Variants in SLC38A11 observed in about 807,000 individuals in gnomAD.
SLC38A11 encodes the protein solute carrier family 38 member 11.
Under a neutral mutation model 49.4 loss-of-function variants are expected in SLC38A11, and 51 were observed. The ratio of observed to expected loss-of-function variants is 1.03; its 90% CI spans 0.83 to 1.30. SLC38A11 has a LOEUF of 1.30. Ranked by LOEUF, SLC38A11 falls within the 50% of genes most tolerant of loss-of-function variation. SLC38A11 has a pLI of 0.00. For missense variants in SLC38A11, 574 were observed against 556.2 expected (o/e 1.03, Z -0.32); for synonymous variants, 203 against 192.9 (o/e 1.05, Z -0.43).
At chr2:164,917,522 G>A (rs758316559) in intron 7 of SLC38A11, among the ~76,000 whole-genome samples, 9 of 152,104 alleles carry the variant, frequency 5.9e-5, no homozygotes, top group African/African-American at 1.7e-4. Context: ...AAAAGCAGTC[G>A]ACATTAAAAG....
Position 164,937,577 on chromosome 2 carries a change from T to G in SLC38A11, c.538-148A>C. The G allele has an allele frequency of 7.0e-6, 4 of 571,660 alleles. No homozygotes were observed. The East Asian group carries it at 1.2e-4, about 18-fold the overall frequency. 35.4% of individuals were successfully genotyped at this position (571,660 alleles called of 1,614,324 possible). On this transcript the variant is annotated intron_variant, in intron 6 of 11. Transcript: ENST00000685975. Reference sequence around the variant, plus strand: ...GTAGGTTATTCTTGCAGCTTGGTGTTGATAATCTCAGGCAGGTAACTTCTT... The same window carrying G: ...GTAGGTTATTCTTGCAGCTTGGTGTGGATAATCTCAGGCAGGTAACTTCTT...
At chr2:164,904,104 C>T (rs2105446201) in intron 11 of SLC38A11, among the ~76,000 whole-genome samples, 1 of 152,240 alleles carries the variant, frequency 6.6e-6, no homozygotes, top group East Asian at 1.9e-4. Context: ...TGGGCTCTTG[C>T]TGGCATTTGG....
chr2:164,904,198 C>A (rs1684841518), intron 11 of SLC38A11, among the ~76,000 whole-genome samples: 1 of 152,126 alleles, frequency 6.6e-6, no homozygotes, highest in Admixed American at 6.5e-5. Flanking sequence ...GCTTCATTTT[C>A]TCTCTTTGTA....
At chr2:164,931,196 G>A (rs1324020633) in intron 7 of SLC38A11, among the ~76,000 whole-genome samples, 1 of 136,626 alleles carries the variant, frequency 7.3e-6, no homozygotes, top group Non-Finnish European at 1.5e-5. Flanking sequence ...TAAGCAGGGA[G>A]GTGAAAGATC....
chr2:164,909,814 C>T (rs1479441433), intron 10 of SLC38A11, among the ~76,000 whole-genome samples: 1 of 152,026 alleles, frequency 6.6e-6, no homozygotes, highest in South Asian at 2.1e-4. Flanking sequence ...AAGAAGCCAT[C>T]TCTCTAAGCT....
intron 11 of SLC38A11, 31 bp from the exon 12 acceptor site, chr2:164,898,761 G>A (rs928309796): frequency 1.3e-6 from 2 of 1,578,068 alleles, no homozygotes; most frequent in Non-Finnish European, 1.7e-6. Flanking sequence ...ACAAGATAAT[G>A]TCACTAGATG....
intron 8 of SLC38A11, 135 bp from the exon 9 acceptor site, chr2:164,915,408 G>T (rs993108465): frequency 1.4e-6 from 1 of 739,818 alleles, no homozygotes; most frequent in African/African-American, 1.8e-5. Flanking sequence ...TAATATGTCA[G>T]AAAATAATTT....
chr2:164,923,855 A>G lies in SLC38A11; in HGVS notation c.618-7882T>C, dbSNP rs149094437. On this transcript the variant is annotated intron_variant, in intron 7 of 11. Transcript: ENST00000685975. ...GCTGTGGAGAAAAGGGAACACTTAT[A>G]CACTATTGGTGGGAATGTGAATTAG... is the stretch of plus-strand genomic sequence containing the variant. Among the ~76,000 whole-genome samples the G allele has an allele frequency of 4.7e-3, 711 of 152,238 alleles. 2 individuals are homozygous for G. The highest frequency in any genetic ancestry group is 0.016 in the African/African-American group (677 of 41,562).
At chr2:164,900,339 T>G (rs1367152224) in intron 11 of SLC38A11, among the ~76,000 whole-genome samples, 6 of 152,084 alleles carry the variant, frequency 3.9e-5, no homozygotes, top group African/African-American at 1.4e-4. Flanking sequence ...CTGGGTCATA[T>G]AATGGTTCTA....
intron 7 of SLC38A11, among the ~76,000 whole-genome samples, chr2:164,935,414 T>C (rs1687295966): frequency 6.7e-6 from 1 of 150,200 alleles, no homozygotes; most frequent in Non-Finnish European, 1.5e-5. Flanking sequence ...TTACACCTGT[T>C]AATCCCAGCA....
chr2:164,952,936 A>C, intron 2 of SLC38A11, 155 bp from the exon 3 acceptor site: 1 of 616,876 alleles, frequency 1.6e-6, no homozygotes, highest in Middle Eastern at 2.6e-4. Flanking sequence ...TTAATATTAA[A>C]TGTTAGGTAT....
chr2:164,951,266 A>G lies in SLC38A11; in HGVS notation c.229+1441T>C, dbSNP rs192420515. ...TATGTAAATGTTTACAATGCACTTA[A>G]ATAAACCATAGTGATTATGGTGGAA... On this transcript the variant is annotated intron_variant, in intron 3 of 11. Coordinates refer to ENST00000685975, the MANE Select transcript of SLC38A11 (RefSeq NM_001351537.2). Among the ~76,000 whole-genome samples the G allele has an allele frequency of 4.0e-4, 59 of 147,370 alleles. 1 individual carries two copies. The highest frequency in any genetic ancestry group is 4.0e-3 in the Admixed American group (58 of 14,544).
intron 7 of SLC38A11, among the ~76,000 whole-genome samples, chr2:164,934,380 T>C (rs1573969122): frequency 6.6e-6 from 1 of 152,198 alleles, no homozygotes; most frequent in Non-Finnish European, 1.5e-5. Flanking sequence ...ATGTACTCAT[T>C]ATTTTAATCT....
intron 3 of SLC38A11, among the ~76,000 whole-genome samples, chr2:164,950,372 C>T (rs1450498959): frequency 2.6e-5 from 4 of 152,122 alleles, no homozygotes; most frequent in Non-Finnish European, 4.4e-5. Context: ...GATGAGAACA[C>T]TGAGCATTTT....
chr2:164,925,744 A>G (rs896365016), intron 7 of SLC38A11, among the ~76,000 whole-genome samples: 1 of 152,056 alleles, frequency 6.6e-6, no homozygotes, highest in Non-Finnish European at 1.5e-5. Context: ...TCTTTGCCCC[A>G]CTCCACATTC....
At chr2:164,915,322 C>T (rs1685704264) in intron 8 of SLC38A11, 49 bp from the exon 9 acceptor site, 1 of 1,519,978 alleles carries the variant, frequency 6.6e-7, no homozygotes, top group African/African-American at 1.4e-5. Context: ...CCAGGGTTTT[C>T]TTTTTTAGTT....
chr2:164,899,710 T>C (rs1424950086), intron 11 of SLC38A11, among the ~76,000 whole-genome samples: 1 of 152,144 alleles, frequency 6.6e-6, no homozygotes, highest in Admixed American at 6.6e-5. Context: ...TATAACCTGA[T>C]GTCATAGAAT....
intron 5 of SLC38A11, among the ~76,000 whole-genome samples, chr2:164,943,122 T>C (rs1280859573): frequency 6.6e-6 from 1 of 152,188 alleles, no homozygotes; most frequent in Non-Finnish European, 1.5e-5. Context: ...TCCTCAACTG[T>C]AATAGCAACC....
At chr2:164,924,908 G>T (rs1220830277) in intron 7 of SLC38A11, among the ~76,000 whole-genome samples, 2 of 129,322 alleles carry the variant, frequency 1.5e-5, no homozygotes, top group Admixed American at 8.2e-5. Context: ...CTAATTTTTT[G>T]TATCCGCGCC....
Sources: gnomAD v4.1 joint callset for allele counts (sites outside exome capture counted in the v4.1 genomes callset) on GRCh38, gnomAD v4.1.1 for gene constraint, MANE v1.5 for transcripts, NCBI Gene and HGNC (gene_info 2026-07-23, HGNC 2026-07-21) for gene names.